PRDM12: variants seen among roughly 807,000 people sequenced by gnomAD.
The protein encoded by PRDM12 is PR/SET domain 12.
Under a neutral mutation model 29.6 loss-of-function variants are expected in PRDM12, and 17 were observed. The observed-to-expected ratio is 0.57, with a 90% CI of 0.39 to 0.86. The LOEUF (loss-of-function observed/expected upper bound fraction) is 0.86, where lower values mean the gene tolerates loss of function less well. Ranked by LOEUF, PRDM12 falls within the 40% of genes least tolerant of loss-of-function variation. The pLI is 0.00. For missense variants in PRDM12, 422 were observed against 510.8 expected, an observed-to-expected ratio of 0.83 and a Z score of 1.68; for synonymous variants, 231 against 225.8, an observed-to-expected ratio of 1.02 and a Z score of -0.21.
In PRDM12 at chr9:130,669,383, C is replaced by T. The variant is rs187048028; in HGVS notation, c.570+1070C>T. On this transcript the variant is annotated intron_variant, in intron 3 of 4. Transcript: ENST00000253008. ...AATACAAATACAAAAATTAGTGGGGCGTGGTGGCAGACGCCTGTAATCTCA... is the reference window on the plus strand; with the variant it reads ...AATACAAATACAAAAATTAGTGGGGTGTGGTGGCAGACGCCTGTAATCTCA... Among the ~76,000 whole-genome samples the T allele has an allele frequency of 4.9e-3, 744 of 151,776 alleles. 8 individuals are homozygous for T. The highest frequency in any genetic ancestry group is 0.018 in the African/African-American group (732 of 41,374).
At chr9:130,666,924 C>A in intron 2 of PRDM12, 126 bp downstream of exon 2, 1 of 1,290,308 alleles carries the variant, frequency 7.8e-7, no homozygotes. Context: ...CTGGCCTGGA[C>A]GCCCCCTGAG....
At position 130,672,353 on chromosome 9, in the gene PRDM12, G is replaced by A. The variant is rs1015120104; in HGVS notation, c.570+4040G>A. Among the ~76,000 whole-genome samples, 12 of 152,102 alleles carry A rather than the reference G, an allele frequency of 7.9e-5. No individual in the cohort carries two copies. In the East Asian group the frequency reaches 1.2e-3, roughly 15 times the overall value. On this transcript the variant is annotated intron_variant, in intron 3 of 4. Coordinates refer to ENST00000253008, the MANE Select transcript of PRDM12 (RefSeq NM_021619.3). Reference sequence around the variant, plus strand: ...TGAGATTACAGGTGTGTGCCACCACGCCTGGCTAATTTTTGTATTTTTAGT... The same window carrying A: ...TGAGATTACAGGTGTGTGCCACCACACCTGGCTAATTTTTGTATTTTTAGT...
At chr9:130,665,703 G>A (rs942332837) in intron 1 of PRDM12, among the ~76,000 whole-genome samples, 1 of 152,194 alleles carries the variant, frequency 6.6e-6, no homozygotes, top group African/African-American at 2.4e-5. Flanking sequence ...GGAGCCGAAT[G>A]AATGCGATCA....
chr9:130,668,104 T>C lies in PRDM12; in HGVS notation c.415-54T>C, dbSNP rs771245414. The C allele has an allele frequency of 6.5e-5, 104 of 1,591,448 alleles. No individual in the cohort carries two copies. The highest frequency in any genetic ancestry group is 8.8e-5 in the Non-Finnish European group (102 of 1,161,708). On this transcript the variant is annotated intron_variant, in intron 2 of 4. Coordinates refer to ENST00000253008, the MANE Select transcript of PRDM12 (RefSeq NM_021619.3). This position sits in a 1 kb window ranked among gnomAD's most constrained non-coding sequence, Gnocchi z 4.0. Reference sequence around the variant, plus strand: ...TGTGTGTGTGGATGTGCCTGGAAGATGGTACACATGGCATAGCCCTGCCTT... The same window carrying C: ...TGTGTGTGTGGATGTGCCTGGAAGACGGTACACATGGCATAGCCCTGCCTT...
intron 2 of PRDM12, among the ~76,000 whole-genome samples, chr9:130,667,021 CG>C (rs1031388981): frequency 3.9e-5 from 6 of 152,226 alleles, no homozygotes; most frequent in Non-Finnish European, 7.3e-5. Flanking sequence ...CTCCTTCCCC[CG>C]GACACCCTGG....
chr9:130,670,773 C>A (rs1262769804), intron 3 of PRDM12, among the ~76,000 whole-genome samples: 1 of 152,194 alleles, frequency 6.6e-6, no homozygotes. Flanking sequence ...ACCCCACACG[C>A]ACACACATAC....
rs558283894 is a variant in PRDM12, at chr9:130,674,440, C to T, written c.571-4089C>T. Among the ~76,000 whole-genome samples the T allele has an allele frequency of 5.9e-5, 9 of 152,144 alleles. No individual in the cohort carries two copies. The South Asian group carries it at 1.7e-3, about 28-fold the overall frequency. ...CTGGGATTACAGGTGAGAGCCACCA[C>T]ACCCAAACTGTAGGCTCTTCTTAAC... On this transcript the variant is annotated intron_variant, in intron 3 of 4. Coordinates refer to ENST00000253008, the MANE Select transcript of PRDM12 (RefSeq NM_021619.3).
At position 130,664,716 on chromosome 9, in the gene PRDM12, A is replaced by ACTGGCG; in HGVS notation, c.69_74dup (p.Leu24_Ala25dup). 6.2e-7 allele frequency: 1 copy of ACTGGCG among 1,609,174 alleles called. No individual in the cohort carries two copies. Among genetic ancestry groups the ACTGGCG allele is most frequent in the Non-Finnish European group, 8.5e-7 (1 of 1,179,240 alleles). On this transcript the variant is annotated inframe_insertion, in exon 1 of 5. Transcript: ENST00000253008. This position sits in a 1 kb window ranked among gnomAD's most constrained non-coding sequence, Gnocchi z 6.4. ...TCAAGACCGGGCTGAAGGCGCCGGG[A>ACTGGCG]CTGGCGCTGGCCGAGGTTATCACCT...
chr9:130,670,039 C>A (rs1830774021), intron 3 of PRDM12, among the ~76,000 whole-genome samples: 1 of 151,984 alleles, frequency 6.6e-6, no homozygotes, highest in South Asian at 2.1e-4. Context: ...CAGGCCCACA[C>A]TGGGACCCTC....
intron 1 of PRDM12, among the ~76,000 whole-genome samples, chr9:130,666,132 CT>C (rs1172992510): frequency 6.6e-6 from 1 of 152,198 alleles, no homozygotes; most frequent in Non-Finnish European, 1.5e-5. Context: ...CACGGCCCGG[CT>C]CCTCTGCCAG....
Position 130,664,602 on chromosome 9 carries a change from C to T in PRDM12, c.-52C>T. On this transcript the variant is annotated 5_prime_UTR_variant, in exon 1 of 5. Coordinates refer to ENST00000253008, the MANE Select transcript of PRDM12 (RefSeq NM_021619.3). The surrounding 1 kb of genome is among the most constrained non-coding windows in gnomAD (Gnocchi z 6.4). ...CTTGGGCTCCCCTCTCGCCCGCCCA[C>T]CTCCCCCGTCGGCCCGGCCGTCCCC... The T allele has an allele frequency of 7.0e-7, 1 of 1,429,756 alleles. No individual in the cohort carries two copies. Among genetic ancestry groups the T allele is most frequent in the African/African-American group, 1.4e-5 (1 of 69,560 alleles). 88.6% of individuals were successfully genotyped at this position (1,429,756 alleles called of 1,614,324 possible). A position where few individuals can be genotyped will look rare whatever the true frequency, so the allele number is the denominator to read the frequency against.
Position 130,681,261 on chromosome 9 carries a change from G to C in PRDM12, c.696G>C (p.Pro232=). The change falls in exon 5 of 5, where the codon CCG becomes CCC. Residue 232 remains proline (P), a synonymous_variant. Transcript: ENST00000253008. This position sits in a 1 kb window ranked among gnomAD's most constrained non-coding sequence, Gnocchi z 8.1. ...QKKNKHEDFH[P]ADSAAGPAGR... ...CCCCGCGGCCAGAGGACTTCCACCC[G>C]GCGGACTCGGCGGCTGGCCCCGCGG... 5 of 1,465,554 alleles carry C rather than the reference G, an allele frequency of 3.4e-6. No homozygotes were observed. In the South Asian group the frequency reaches 6.6e-5, roughly 19 times the overall value. The allele number at this position is 1,465,554 out of a possible 1,614,324, so 90.8% of individuals were successfully genotyped here. A position where few individuals can be genotyped will look rare whatever the true frequency, so the allele number is the denominator to read the frequency against.
At position 130,681,068 on chromosome 9, in the gene PRDM12, G is replaced by A. The variant is rs1830895416; in HGVS notation, c.683-180G>A. Among the ~76,000 whole-genome samples the A allele has an allele frequency of 6.6e-6, 1 of 152,144 alleles. No individual in the cohort carries two copies. Among genetic ancestry groups the A allele is most frequent in the Non-Finnish European group, 1.5e-5 (1 of 68,018 alleles). ...ACTCCCTATTGGACCCCCCAGCCGG[G>A]GTACCCTTCGCTGTCCCTCCAGTCC... On this transcript the variant is annotated intron_variant, in intron 4 of 4. Transcript: ENST00000253008. The surrounding 1 kb of genome is among the most constrained non-coding windows in gnomAD (Gnocchi z 8.1).
At position 130,680,922 on chromosome 9, in the gene PRDM12, C is replaced by T. The variant is rs183766610; in HGVS notation, c.683-326C>T. On this transcript the variant is annotated intron_variant, in intron 4 of 4. Coordinates refer to ENST00000253008, the MANE Select transcript of PRDM12 (RefSeq NM_021619.3). ...TTTCATAGACGTCTTTTCTCATCCT[C>T]TCGGGCAATCGTACGCCCGAAAAGG... Among the ~76,000 whole-genome samples, 608 of 152,044 alleles carry T rather than the reference C, an allele frequency of 4.0e-3. 7 individuals are homozygous for T. Among genetic ancestry groups the T allele is most frequent in the African/African-American group, 0.014 (571 of 41,464 alleles).
chr9:130,673,465 T>C (rs1157680103), intron 3 of PRDM12, among the ~76,000 whole-genome samples: 4 of 152,044 alleles, frequency 2.6e-5, no homozygotes, highest in African/African-American at 9.7e-5. Flanking sequence ...GGCTTACAGC[T>C]GTCTGGAAAT....
intron 1 of PRDM12, among the ~76,000 whole-genome samples, chr9:130,665,348 G>C (rs1830722791): frequency 6.6e-6 from 1 of 152,132 alleles, no homozygotes; most frequent in South Asian, 2.1e-4. Flanking sequence ...AAAAAGCCGC[G>C]GGGAGAGCGA....
Position 130,678,513 on chromosome 9 carries a change from G to A in PRDM12, c.571-16G>A. On this transcript the variant is annotated splice_polypyrimidine_tract_variant and intron_variant, in intron 3 of 4. Transcript: ENST00000253008. ...GCTGCGGCCTCCCTGACCTCCTCTTGCCTTCTTCCCTGCAGATGATCCCAC... is the reference window on the plus strand; with the variant it reads ...GCTGCGGCCTCCCTGACCTCCTCTTACCTTCTTCCCTGCAGATGATCCCAC... The A allele has an allele frequency of 6.3e-7, 1 of 1,592,096 alleles. No homozygotes were observed. The highest frequency in any genetic ancestry group is 8.6e-7 in the Non-Finnish European group (1 of 1,162,672).
Position 130,681,739 on chromosome 9 carries a change from C to T in PRDM12, c.*70C>T, listed in dbSNP as rs1290300374. 1.0e-6 allele frequency: 1 copy of T among 976,930 alleles called. No homozygotes were observed. Among genetic ancestry groups the T allele is most frequent in the African/African-American group, 1.8e-5 (1 of 56,762 alleles). The allele number at this position is 976,930 out of a possible 1,614,324, so 60.5% of individuals were successfully genotyped here. A position where few individuals can be genotyped will look rare whatever the true frequency, so the allele number is the denominator to read the frequency against. ...GGCACCCCGGCCCCGCAGCGCGACT[C>T]GCCCTCCAGCCCCAACCCCCGGCCC... On this transcript the variant is annotated 3_prime_UTR_variant, in exon 5 of 5. Coordinates refer to ENST00000253008, the MANE Select transcript of PRDM12 (RefSeq NM_021619.3). This position sits in a 1 kb window ranked among gnomAD's most constrained non-coding sequence, Gnocchi z 8.1.
At chr9:130,666,825 G>T (rs892375050) in intron 2 of PRDM12, 27 bp downstream of exon 2, 7 of 1,562,022 alleles carry the variant, frequency 4.5e-6, no homozygotes, top group African/African-American at 4.1e-5. Flanking sequence ...GCAGAGGGGC[G>T]CAAGGGCCGG....
Sources: gnomAD v4.1 joint callset for allele counts (sites outside exome capture counted in the v4.1 genomes callset) on GRCh38, gnomAD v4.1.1 for gene constraint, Gnocchi (gnomAD v3.1) non-coding constraint, MANE v1.5 for transcripts, NCBI Gene and HGNC (gene_info 2026-07-23, HGNC 2026-07-21) for gene names.